Variants in BNC2 observed in about 807,000 individuals in gnomAD.
The protein encoded by BNC2 is basonuclin zinc finger protein 2, also known as zinc finger protein basonuclin-2.
A neutral mutation model predicts 76.3 loss-of-function variants in BNC2; 20 were observed. The ratio of observed to expected loss-of-function variants is 0.26; its 90% CI spans 0.18 to 0.38. The LOEUF is 0.38. Among genes scored for constraint, BNC2 ranks in the 10% least tolerant of loss-of-function variants. BNC2 has a pLI of 1.00. For synonymous variants in BNC2, 582 were observed against 514.8 expected (o/e 1.13, Z -1.77); for missense variants, 1,382 against 1,399.8 (o/e 0.99, Z 0.20).
intron 5 of BNC2, among the ~76,000 whole-genome samples, chr9:16,492,069 A>T (rs940635271): frequency 1.3e-5 from 2 of 152,210 alleles, no homozygotes; most frequent in African/African-American, 2.4e-5. Context: ...ATACGATTGT[A>T]AAATAAAAAG....
chr9:16,750,542 C>G (rs377490422), intron 1 of BNC2, among the ~76,000 whole-genome samples: 160 of 152,318 alleles, frequency 1.1e-3, no homozygotes, highest in Middle Eastern at 3.4e-3. Context: ...GAATGGGCAT[C>G]CCTCCAGAAT....
At chr9:16,690,614 G>C (rs7028900) in intron 3 of BNC2, among the ~76,000 whole-genome samples, 91,878 of 152,006 alleles carry the variant, frequency 0.6, 31,570 homozygotes, top group Non-Finnish European at 0.8. Flanking sequence ...TTGTTATAGA[G>C]TCAGATAAGG....
At position 16,752,722 on chromosome 9, in the gene BNC2, A is replaced by C. The variant is rs181998804; in HGVS notation, c.4-14237T>G. ...ATCATCAAGTAAACAAAATCGCAACAATCTTTTTTAAAATAAGAAAGAAAA... is the reference window on the plus strand; with the variant it reads ...ATCATCAAGTAAACAAAATCGCAACCATCTTTTTTAAAATAAGAAAGAAAA... On this transcript the variant is annotated intron_variant, in intron 1 of 6. Coordinates refer to ENST00000380672, the MANE Select transcript of BNC2 (RefSeq NM_017637.6). Among the ~76,000 whole-genome samples the C allele has an allele frequency of 1.7e-3, 266 of 152,338 alleles. 3 individuals carry two copies. The highest frequency in any genetic ancestry group is 5.8e-3 in the African/African-American group (240 of 41,584).
intron 1 of BNC2, among the ~76,000 whole-genome samples, chr9:16,783,950 G>C (rs1014033768): frequency 6.6e-6 from 1 of 151,968 alleles, no homozygotes; most frequent in Non-Finnish European, 1.5e-5. Context: ...GAAGATTTTA[G>C]AATAATTGAA....
Position 16,510,570 on chromosome 9 carries a change from C to A in BNC2, c.669+41960G>T, listed in dbSNP as rs563104989. ...CATGCTGTATATATTTGCACCAGCT[C>A]TTCAAATACAAGACCTAAAACTTGG... is the stretch of plus-strand genomic sequence containing the variant. On this transcript the variant is annotated intron_variant, in intron 5 of 6. Coordinates refer to ENST00000380672, the MANE Select transcript of BNC2 (RefSeq NM_017637.6). Among the ~76,000 whole-genome samples the A allele has an allele frequency of 3.9e-5, 6 of 152,332 alleles. No homozygotes were observed. In the East Asian group the frequency reaches 1.2e-3, roughly 29 times the overall value.
chr9:16,522,956 A>T (rs1215676712), intron 5 of BNC2, among the ~76,000 whole-genome samples: 1 of 152,184 alleles, frequency 6.6e-6, no homozygotes, highest in Non-Finnish European at 1.5e-5. Context: ...TAAGCCTCAT[A>T]AAGAAAGCTG....
In BNC2 at chr9:16,446,924, T is replaced by C. The variant is rs565234956; in HGVS notation, c.670-9400A>G. Among the ~76,000 whole-genome samples the C allele has an allele frequency of 1.1e-3, 160 of 152,234 alleles. 1 individual carries two copies. Among genetic ancestry groups the C allele is most frequent in the African/African-American group, 3.6e-3 (150 of 41,552 alleles). On this transcript the variant is annotated intron_variant, in intron 5 of 6. Coordinates refer to ENST00000380672, the MANE Select transcript of BNC2 (RefSeq NM_017637.6). ...AAACCAGCCATATGCATTTCCTCTA[T>C]GGGCATTTGTTTGCAAATAAATAAA...
chr9:16,819,120 C>T (rs1047148020), intron 1 of BNC2, among the ~76,000 whole-genome samples: 15 of 152,168 alleles, frequency 9.9e-5, no homozygotes, highest in African/African-American at 3.6e-4. Flanking sequence ...GAAGTCAACC[C>T]TCTGCATCTG....
chr9:16,701,772 T>A (rs1466672421), intron 3 of BNC2, among the ~76,000 whole-genome samples: 5 of 151,100 alleles, frequency 3.3e-5, no homozygotes, highest in Non-Finnish European at 5.9e-5. Context: ...TGAAACCCCG[T>A]CTCTACTGAA....
intron 4 of BNC2, among the ~76,000 whole-genome samples, chr9:16,556,452 T>G (rs1818834075): frequency 6.6e-6 from 1 of 151,460 alleles, no homozygotes. Flanking sequence ...ACCTAGGAGA[T>G]GAGCCATAGA....
Position 16,848,923 on chromosome 9 carries a change from T to C in BNC2, c.3+21723A>G, listed in dbSNP as rs1819058075. Among the ~76,000 whole-genome samples, 5 of 152,304 alleles carry C rather than the reference T, an allele frequency of 3.3e-5. No individual in the cohort carries two copies. In the South Asian group the frequency reaches 1.0e-3, roughly 32 times the overall value. On this transcript the variant is annotated intron_variant, in intron 1 of 6. Coordinates refer to ENST00000380672, the MANE Select transcript of BNC2 (RefSeq NM_017637.6). Reference sequence around the variant, plus strand: ...AATATACAAAATTACTTCCAGGCTATGTGTATAAAATATATAAGAAAAATT... The same window carrying C: ...AATATACAAAATTACTTCCAGGCTACGTGTATAAAATATATAAGAAAAATT...
intron 1 of BNC2, among the ~76,000 whole-genome samples, chr9:16,833,870 C>G (rs1262612520): frequency 6.6e-6 from 1 of 152,166 alleles, no homozygotes; most frequent in African/African-American, 2.4e-5. Flanking sequence ...GATACCAGCT[C>G]ACCAGCATTA....
chr9:16,510,032 C>G (rs111990823), intron 5 of BNC2, among the ~76,000 whole-genome samples: 1 of 152,180 alleles, frequency 6.6e-6, no homozygotes, highest in Admixed American at 6.5e-5. Context: ...GCTAAAAGAC[C>G]TGTTTGTATC....
In BNC2 at chr9:16,695,014, G is replaced by A. The variant is rs1425480716; in HGVS notation, c.330+32783C>T. On this transcript the variant is annotated intron_variant, in intron 3 of 6. Coordinates refer to ENST00000380672, the MANE Select transcript of BNC2 (RefSeq NM_017637.6). ...ACATCTTTGTTACTAAGGTTCTCAG[G>A]AAGTGGAGAGAAGATAAAGTCAAAG... Among the ~76,000 whole-genome samples, 4 of 152,274 alleles carry A rather than the reference G, an allele frequency of 2.6e-5. No homozygotes were observed. The East Asian group carries it at 7.7e-4, about 29-fold the overall frequency.
intron 1 of BNC2, among the ~76,000 whole-genome samples, chr9:16,837,245 C>A (rs559404822): frequency 1.3e-5 from 2 of 152,194 alleles, no homozygotes; most frequent in Non-Finnish European, 2.9e-5. Flanking sequence ...GTGGCTCATG[C>A]CTGTAATCCC....
intron 1 of BNC2, among the ~76,000 whole-genome samples, chr9:16,818,557 TAATA>T (rs1478934288): frequency 7.9e-5 from 12 of 152,328 alleles, no homozygotes; most frequent in Non-Finnish European, 1.5e-5. Context: ...TCATGATTCA[TAATA>T]AATGGTCAAA....
At position 16,869,967 on chromosome 9, in the gene BNC2, C is replaced by T. The variant is rs532334019; in HGVS notation, c.3+679G>A. Among the ~76,000 whole-genome samples, 18 of 152,326 alleles carry T rather than the reference C, an allele frequency of 1.2e-4. No individual in the cohort carries two copies. The East Asian group carries it at 3.3e-3, about 28-fold the overall frequency. On this transcript the variant is annotated intron_variant, in intron 1 of 6. Transcript: ENST00000380672. The stretch of plus-strand genomic sequence containing the variant: ...AACGTGCAAGTAAAACAAATCGGCT[C>T]CTATAGAATTGCACTTCGAAAAGAG...
At chr9:16,447,969 T>C (rs1821262269) in intron 5 of BNC2, among the ~76,000 whole-genome samples, 1 of 152,098 alleles carries the variant, frequency 6.6e-6, no homozygotes, top group East Asian at 1.9e-4. Context: ...ACTTATTTTA[T>C]AGTTTAGAAC....
chr9:16,419,458 G>A lies in BNC2; in HGVS notation c.2831C>T (p.Ser944Phe). The change falls in exon 7 of 7, where the codon TCC (serine) becomes TTC (phenylalanine). Residue 944 changes from serine (S) to phenylalanine (F), a missense_variant. By Grantham distance (155) the Ser-to-Phe change is radical (BLOSUM62 -2). Around this residue, in one of 3 missense-constraint regions of BNC2, gnomAD observed 798 missense variants for 775.5 expected, o/e 1.03. Coordinates refer to ENST00000380672, the MANE Select transcript of BNC2 (RefSeq NM_017637.6). ...GCCTCTCCCATACCCGTTCAGGTGG[G>A]AGTCTTCAGTCCCTGCGGGAGAGGA... ...DASSPAGTED[S>F]HLNGYGRGMA... is the part of the protein sequence containing the mutation. 1.2e-6 allele frequency: 2 copies of A among 1,613,492 alleles called. No homozygotes were observed. Among genetic ancestry groups the A allele is most frequent in the Non-Finnish European group, 1.7e-6 (2 of 1,179,660 alleles).
Sources: gnomAD v4.1 joint callset for allele counts (sites outside exome capture counted in the v4.1 genomes callset) on GRCh38, gnomAD v4.1.1 for gene constraint, gnomAD v4.1.1 regional missense constraint, MANE v1.5 for transcripts, NCBI Gene and HGNC (gene_info 2026-07-23, HGNC 2026-07-21) for gene names.